PAPOLG: variants seen among roughly 807,000 people sequenced by gnomAD.
PAPOLG encodes the protein PAP-gamma.
PAPOLG carries 40 observed loss-of-function variants against 99.0 expected under a neutral mutation model. The observed-to-expected ratio is 0.40, with a 90% CI of 0.31 to 0.53. The LOEUF (loss-of-function observed/expected upper bound fraction) is 0.53. PAPOLG is among the 20% of genes least tolerant of loss of function. PAPOLG has a pLI of 0.41. For synonymous variants in PAPOLG, 310 were observed against 299.3 expected (o/e 1.04, Z -0.37); for missense variants, 675 against 884.1 (o/e 0.76, Z 3.00).
chr2:60,788,351 T>G (rs1419703079), intron 15 of PAPOLG, among the ~76,000 whole-genome samples: 3 of 152,132 alleles, frequency 2.0e-5, no homozygotes, highest in East Asian at 3.9e-4. Flanking sequence ...AGACAGAGTC[T>G]CACTCTGTCA....
intron 15 of PAPOLG, 72 bp downstream of exon 15, chr2:60,787,692 G>A: frequency 6.5e-7 from 1 of 1,548,944 alleles, no homozygotes; most frequent in East Asian, 2.4e-5. Flanking sequence ...CCTACAATCT[G>A]GCTGGCTGTA....
chr2:60,795,961 A>G (rs1671682754), intron 21 of PAPOLG, among the ~76,000 whole-genome samples: 1 of 152,140 alleles, frequency 6.6e-6, no homozygotes, highest in African/African-American at 2.4e-5. Flanking sequence ...TATCCAGTCT[A>G]AAGGGAAAGT....
chr2:60,768,101 A>AT lies in PAPOLG; in HGVS notation c.247-358dup, dbSNP rs1163440325. Among the ~76,000 whole-genome samples, 1,150 of 149,308 alleles carry AT rather than the reference A, an allele frequency of 7.7e-3. 4 individuals are homozygous for AT. Among genetic ancestry groups the AT allele is most frequent in the Middle Eastern group, 0.035 (10 of 286 alleles). On this transcript the variant is annotated intron_variant, in intron 3 of 21. Transcript: ENST00000238714. ...ATAAAGGTCAGTAGACATTATGGTG[A>AT]TTTTTTTTTTTATTTTTTGAGACAG...
intron 11 of PAPOLG, 102 bp downstream of exon 11, chr2:60,782,107 A>T (rs921525935): frequency 2.5e-6 from 3 of 1,181,916 alleles, no homozygotes; most frequent in East Asian, 4.8e-5. Context: ...AGTTATACCT[A>T]TTCTTTCTAA....
chr2:60,792,006 AGGAC>A, intron 16 of PAPOLG, 119 bp from the exon 17 acceptor site: 13 of 1,454,506 alleles, frequency 8.9e-6, no homozygotes, highest in South Asian at 2.7e-5. Flanking sequence ...AGTTCAATCT[AGGAC>A]TAAAATCTCA....
Position 60,779,614 on chromosome 2 carries a change from TAAC to T in PAPOLG, c.695-20_695-18del. The T allele has an allele frequency of 6.3e-7, 1 of 1,595,176 alleles. No homozygotes were observed. The highest frequency in any genetic ancestry group is 8.6e-7 in the Non-Finnish European group (1 of 1,167,970). On this transcript the variant is annotated intron_variant, in intron 8 of 21. Transcript: ENST00000238714. Reference sequence around the variant, plus strand: ...ACAGATAGTAGGTCCTAATAATAATTAACAAATATATTGATTTTCTAGGACGTG... The same window carrying T: ...ACAGATAGTAGGTCCTAATAATAATTAAATATATTGATTTTCTAGGACGTG...
intron 1 of PAPOLG, among the ~76,000 whole-genome samples, chr2:60,758,314 T>C (rs1336658699): frequency 6.8e-6 from 1 of 146,562 alleles, no homozygotes; most frequent in Non-Finnish European, 1.5e-5. Context: ...TTAACCAGTA[T>C]TTTGGTTTCT....
intron 7 of PAPOLG, 168 bp from the exon 8 acceptor site, chr2:60,774,865 TA>T: frequency 1.3e-6 from 1 of 749,712 alleles, no homozygotes; most frequent in Non-Finnish European, 1.6e-6. Context: ...TTAATTACCC[TA>T]AAGCAAACTG....
At chr2:60,785,336 A>T (rs1257776585) in intron 13 of PAPOLG, among the ~76,000 whole-genome samples, 1 of 151,994 alleles carries the variant, frequency 6.6e-6, no homozygotes, top group Non-Finnish European at 1.5e-5. Flanking sequence ...ACGGGGTTTC[A>T]CCATGTTAGC....
Position 60,798,895 on chromosome 2 carries a change from T to A in PAPOLG, c.*1735T>A, listed in dbSNP as rs1036852556. The A allele has an allele frequency of 3.9e-5, 6 of 152,318 alleles. No homozygotes were observed. The highest frequency in any genetic ancestry group is 1.4e-4 in the African/African-American group (6 of 41,442). The allele number at this position is 152,318 out of a possible 1,614,324, so 9.4% of individuals were successfully genotyped here. A position where few individuals can be genotyped will look rare whatever the true frequency, so the allele number is the denominator to read the frequency against. ...AAGTAAAGAACAACAAGGAAAAAAA[T>A]GTTTGTTCTATTATTCCCTTTTTAT... On this transcript the variant is annotated 3_prime_UTR_variant, in exon 22 of 22. Coordinates refer to ENST00000238714, the MANE Select transcript of PAPOLG (RefSeq NM_022894.4).
rs1671159727 is a variant in PAPOLG, at chr2:60,780,637, A to G, written c.834-70A>G. ...CTCTGTAGAAGGTTAGAACAATCTA[A>G]TAATTATAAAGTTTCATGTAGTACC... On this transcript the variant is annotated intron_variant, in intron 9 of 21. Coordinates refer to ENST00000238714, the MANE Select transcript of PAPOLG (RefSeq NM_022894.4). The G allele has an allele frequency of 2.3e-5, 34 of 1,473,512 alleles. No homozygotes were observed. In the South Asian group the frequency reaches 3.5e-4, roughly 15 times the overall value. The allele number at this position is 1,473,512 out of a possible 1,614,324, so 91.3% of individuals were successfully genotyped here.
At position 60,794,964 on chromosome 2, in the gene PAPOLG, G is replaced by A. The variant is rs1558723120; in HGVS notation, c.2056G>A (p.Asp686Asn). The A allele has an allele frequency of 6.2e-7, 1 of 1,612,592 alleles. No individual in the cohort carries two copies. The highest frequency in any genetic ancestry group is 8.5e-7 in the Non-Finnish European group (1 of 1,179,554). ...TAEERKRKSV[D>N]AIGGESMPIP... ...CTTGTGTTGATTCTTCTGTTTTTAG[G>A]ATGCCATTGGAGGAGAATCTATGCC... Residue 686 changes from aspartate to asparagine, a missense_variant and splice_region_variant, in exon 21 of 22, where the codon GAT (aspartate) becomes AAT (asparagine). Asp to Asn is a conservative substitution (Grantham distance 23). Around this residue, in one of 3 missense-constraint regions of PAPOLG, gnomAD observed 413 missense variants for 460.5 expected, o/e 0.90. Coordinates refer to ENST00000238714, the MANE Select transcript of PAPOLG (RefSeq NM_022894.4).
chr2:60,783,324 CTTTT>C (rs72172236), intron 13 of PAPOLG, 115 bp downstream of exon 13: 191 of 158,164 alleles, frequency 1.2e-3, no homozygotes, highest in Middle Eastern at 5.2e-3. Flanking sequence ...TATTATATCT[CTTTT>C]TTTTTTTTTT....
At position 60,801,423 on chromosome 2, in the gene PAPOLG, C is replaced by CA. The variant is rs992473266; in HGVS notation, c.*4264dup. 6.6e-6 allele frequency: 1 copy of CA among 151,836 alleles called. No homozygotes were observed. The highest frequency in any genetic ancestry group is 6.6e-5 in the Admixed American group (1 of 15,212). The allele number at this position is 151,836 out of a possible 1,614,324, so 9.4% of individuals were successfully genotyped here. Reference sequence around the variant, plus strand: ...TTTTTCCAATTGCATAAGGTCACGTCATCCCCCAAATTGTCTATTTTTTCT... The same window carrying CA: ...TTTTTCCAATTGCATAAGGTCACGTCAATCCCCCAAATTGTCTATTTTTTCT... On this transcript the variant is annotated 3_prime_UTR_variant, in exon 22 of 22. Coordinates refer to ENST00000238714, the MANE Select transcript of PAPOLG (RefSeq NM_022894.4).
intron 15 of PAPOLG, among the ~76,000 whole-genome samples, chr2:60,789,897 C>G (rs1302548201): frequency 1.3e-5 from 2 of 152,162 alleles, no homozygotes; most frequent in African/African-American, 2.4e-5. Context: ...CAAGACCAAC[C>G]TGGCCAACAT....
chr2:60,773,701 G>GAA (rs35118727), intron 7 of PAPOLG, among the ~76,000 whole-genome samples: 29,273 of 145,620 alleles, frequency 0.2, 3,096 homozygotes, highest in Middle Eastern at 0.25. Context: ...TATAAAATGT[G>GAA]AAAAAAAAAA....
intron 11 of PAPOLG, 71 bp downstream of exon 11, chr2:60,782,076 C>T: frequency 1.4e-6 from 2 of 1,468,492 alleles, no homozygotes; most frequent in Non-Finnish European, 9.5e-7. Context: ...TTCTCTGTTG[C>T]AGCTATGGAT....
chr2:60,788,975 C>T (rs919789043), intron 15 of PAPOLG, among the ~76,000 whole-genome samples: 2 of 152,108 alleles, frequency 1.3e-5, no homozygotes, highest in Admixed American at 6.5e-5. Context: ...GCCTGGGTGA[C>T]AAAGTGAGAT....
intron 8 of PAPOLG, 133 bp from the exon 9 acceptor site, chr2:60,779,504 A>G (rs1671127305): frequency 1.9e-6 from 2 of 1,054,546 alleles, no homozygotes; most frequent in Non-Finnish European, 2.6e-6. Flanking sequence ...AAAATTTCCA[A>G]CCAACCGTCT....
Sources: allele counts gnomAD v4.1 joint callset (sites outside exome capture counted in the v4.1 genomes callset), GRCh38; gene constraint gnomAD v4.1.1; regional missense constraint gnomAD v4.1.1; transcripts MANE v1.5; gene names NCBI Gene and HGNC (gene_info 2026-07-23, HGNC 2026-07-21).